ZFHX4: variants seen among roughly 807,000 people sequenced by gnomAD.
The protein encoded by ZFHX4 is zinc finger homeobox 4, also known as zinc finger homeobox protein 4.
A neutral mutation model predicts 267.6 loss-of-function variants in ZFHX4; 56 were observed. The ratio of observed to expected loss-of-function variants is 0.21; its 90% CI spans 0.17 to 0.26. The LOEUF is 0.26. ZFHX4 is among the 10% of genes least tolerant of loss of function. The pLI is 1.00. For missense variants in ZFHX4, 4,332 were observed against 4,420.0 expected (o/e 0.98, Z 0.56); for synonymous variants, 1,778 against 1,665.6 (o/e 1.07, Z -1.64).
intron 3 of ZFHX4, among the ~76,000 whole-genome samples, chr8:76,764,181 G>A (rs1182252003): frequency 1.3e-5 from 2 of 152,108 alleles, no homozygotes; most frequent in East Asian, 1.9e-4. Flanking sequence ...TTTAAATACT[G>A]TAAGCAGTTT....
At chr8:76,703,114 C>CT (rs1808146823) in intron 1 of ZFHX4, among the ~76,000 whole-genome samples, 1 of 151,850 alleles carries the variant, frequency 6.6e-6, no homozygotes. Flanking sequence ...GGTTTCTGGT[C>CT]TAAGACGCCT....
At chr8:76,784,069 G>A (rs987961323) in intron 4 of ZFHX4, among the ~76,000 whole-genome samples, 6 of 151,884 alleles carry the variant, frequency 4.0e-5, no homozygotes, top group Non-Finnish European at 7.4e-5. Flanking sequence ...CTGTGCAGGA[G>A]TATCTTTTTC....
chr8:76,833,470 C>T, intron 5 of ZFHX4, 64 bp downstream of exon 5: 1 of 1,236,366 alleles, frequency 8.1e-7, no homozygotes, highest in African/African-American at 1.5e-5. Context: ...TTGTTACTCT[C>T]ATAATTGATG....
chr8:76,719,758 T>C (rs1159560174), intron 3 of ZFHX4, among the ~76,000 whole-genome samples: 4 of 152,124 alleles, frequency 2.6e-5, no homozygotes, highest in Non-Finnish European at 5.9e-5. Context: ...ACAAGTATCT[T>C]CTTAAACTGA....
At chr8:76,717,645 A>G (rs970620242) in intron 3 of ZFHX4, among the ~76,000 whole-genome samples, 1 of 152,118 alleles carries the variant, frequency 6.6e-6, no homozygotes, top group Non-Finnish European at 1.5e-5. Flanking sequence ...CACCCAGGCT[A>G]GAGTTCAGTG....
intron 4 of ZFHX4, among the ~76,000 whole-genome samples, chr8:76,799,672 T>C (rs1433498041): frequency 6.6e-6 from 1 of 152,216 alleles, no homozygotes; most frequent in Non-Finnish European, 1.5e-5. Context: ...AGTGGTATTT[T>C]GATGCTCCCT....
At chr8:76,771,834 G>C (rs1377960062) in intron 3 of ZFHX4, among the ~76,000 whole-genome samples, 2 of 152,144 alleles carry the variant, frequency 1.3e-5, no homozygotes, top group Non-Finnish European at 1.5e-5. Flanking sequence ...GAAATAATCA[G>C]AAGGCATATT....
At chr8:76,691,457 G>C (rs1177662491) in intron 1 of ZFHX4, among the ~76,000 whole-genome samples, 2 of 152,088 alleles carry the variant, frequency 1.3e-5, no homozygotes, top group Non-Finnish European at 2.9e-5. Context: ...ATGTTTTGGA[G>C]GCAGCATAAT....
chr8:76,822,864 A>G (rs1265203324), intron 4 of ZFHX4, among the ~76,000 whole-genome samples: 1 of 152,064 alleles, frequency 6.6e-6, no homozygotes, highest in Non-Finnish European at 1.5e-5. Flanking sequence ...AAGAAGTGTC[A>G]TTTACTCACA....
At position 76,778,304 on chromosome 8, in the gene ZFHX4, C is replaced by A; in HGVS notation, c.3190C>A (p.Gln1064Lys). 1.9e-6 allele frequency: 3 copies of A among 1,613,846 alleles called. No homozygotes were observed. The highest frequency in any genetic ancestry group is 2.5e-6 in the Non-Finnish European group (3 of 1,179,804). Reference sequence around the variant, plus strand: ...CACCAAGGTCAAGTTGAATCTGGTACAACATGTCCGTTCGGTGAAGCATCA... The same window carrying A: ...CACCAAGGTCAAGTTGAATCTGGTAAAACATGTCCGTTCGGTGAAGCATCA... The part of the protein sequence containing the change: ...YTTKVKLNLV[Q>K]HVRSVKHQQT... The change falls in exon 4 of 11, where the codon CAA (glutamine) becomes AAA (lysine). Residue 1064 changes from glutamine (Q) to lysine (K), a missense_variant. By Grantham distance (53) the Gln-to-Lys change is moderately conservative (BLOSUM62 1). Coordinates refer to ENST00000651372, the MANE Select transcript of ZFHX4 (RefSeq NM_024721.5).
intron 4 of ZFHX4, among the ~76,000 whole-genome samples, chr8:76,783,294 G>A (rs1810600946): frequency 3.9e-5 from 6 of 151,996 alleles, no homozygotes; most frequent in Admixed American, 3.9e-4. Flanking sequence ...GAGATGAACA[G>A]CACTTGACGT....
chr8:76,855,080 G>A lies in ZFHX4; in HGVS notation c.8159G>A (p.Gly2720Glu). The part of the protein sequence containing the change: ...PPSPLISTED[G>E]GESPQKYIYF... Reference sequence around the variant, plus strand: ...AGCCCTTTAATATCCACCGAAGATGGGGGAGAAAGCCCACAGAAATACATC... The same window carrying A: ...AGCCCTTTAATATCCACCGAAGATGAGGGAGAAAGCCCACAGAAATACATC... The change falls in exon 10 of 11, where the codon GGG (glycine) becomes GAG (glutamate). Residue 2720 changes from glycine (G) to glutamate (E), a missense_variant. Coordinates refer to ENST00000651372, the MANE Select transcript of ZFHX4 (RefSeq NM_024721.5). 1.2e-6 allele frequency: 2 copies of A among 1,613,848 alleles called. No homozygotes were observed. Among genetic ancestry groups the A allele is most frequent in the Non-Finnish European group, 1.7e-6 (2 of 1,179,844 alleles).
chr8:76,715,352 C>A (rs183484473), intron 3 of ZFHX4, among the ~76,000 whole-genome samples: 4 of 151,454 alleles, frequency 2.6e-5, no homozygotes. Flanking sequence ...AATGGTGGTG[C>A]GCACCTGTAG....
chr8:76,799,688 C>T (rs1217523360), intron 4 of ZFHX4, among the ~76,000 whole-genome samples: 1 of 152,188 alleles, frequency 6.6e-6, no homozygotes, highest in African/African-American at 2.4e-5. Context: ...TCCCTTTTAT[C>T]TCACTCTCTC....
chr8:76,863,483 T>C lies in ZFHX4; in HGVS notation c.9769T>C (p.Phe3257Leu). Residue 3257 changes from phenylalanine to leucine, a missense_variant, in exon 11 of 11, where the codon TTT becomes CTT. By Grantham distance (22) the Phe-to-Leu change is conservative. Coordinates refer to ENST00000651372, the MANE Select transcript of ZFHX4 (RefSeq NM_024721.5). ...TGCAATTGCTGGTGACCCAGCTTCCTTTATAGGCGGACAGTTCTTGCCATA... is the reference window on the plus strand; with the variant it reads ...TGCAATTGCTGGTGACCCAGCTTCCCTTATAGGCGGACAGTTCTTGCCATA... ...QNAIAGDPAS[F>L]IGGQFLPYFI... 1 of 1,613,712 alleles carries C rather than the reference T, an allele frequency of 6.2e-7. No homozygotes were observed. Among genetic ancestry groups the C allele is most frequent in the Non-Finnish European group, 8.5e-7 (1 of 1,179,800 alleles).
intron 3 of ZFHX4, among the ~76,000 whole-genome samples, chr8:76,713,521 C>T (rs149561478): frequency 1.1e-3 from 174 of 152,278 alleles, no homozygotes; most frequent in African/African-American, 4.1e-3. Context: ...TAACCAACGC[C>T]ACCGTCTGCC....
chr8:76,735,924 T>G (rs1054643027), intron 3 of ZFHX4, among the ~76,000 whole-genome samples: 2 of 152,104 alleles, frequency 1.3e-5, no homozygotes, highest in African/African-American at 2.4e-5. Flanking sequence ...GAGGATTAAA[T>G]GGTGACCCTT....
chr8:76,711,939 T>C (rs1585872167), intron 3 of ZFHX4, among the ~76,000 whole-genome samples: 1 of 152,226 alleles, frequency 6.6e-6, no homozygotes, highest in South Asian at 2.1e-4. Flanking sequence ...TTGCTGCATC[T>C]GTACTTCGGC....
chr8:76,801,512 T>A (rs1811116596), intron 4 of ZFHX4, among the ~76,000 whole-genome samples: 2 of 152,196 alleles, frequency 1.3e-5, no homozygotes, highest in Admixed American at 1.3e-4. Flanking sequence ...TAAAGGCCTA[T>A]TGCAAGCATT....
Sources: allele counts gnomAD v4.1 joint callset (sites outside exome capture counted in the v4.1 genomes callset), GRCh38; gene constraint gnomAD v4.1.1; transcripts MANE v1.5; gene names NCBI Gene and HGNC (gene_info 2026-07-23, HGNC 2026-07-21).